VRK2: variants seen among roughly 807,000 people sequenced by gnomAD.
VRK2 encodes the protein VRK serine/threonine kinase 2.
In VRK2, 60 loss-of-function variants were observed where a neutral mutation model predicts 57.6. That is an observed-to-expected ratio of 1.04 (90% CI 0.85 to 1.29). The LOEUF (loss-of-function observed/expected upper bound fraction) is 1.29, where lower values mean the gene tolerates loss of function less well. Ranked by LOEUF, VRK2 falls within the 50% of genes most tolerant of loss-of-function variation. The probability of loss-of-function intolerance (pLI) is 0.00; values close to 1 mark genes in which losing one functional copy is unlikely to be tolerated. For missense variants in VRK2, 705 were observed against 588.1 expected (o/e 1.20, Z -2.06); for synonymous variants, 231 against 199.2 (o/e 1.16, Z -1.35).
At chr2:58,044,564 G>A (rs1048711684), upstream of VRK2, among the ~76,000 whole-genome samples, 2 of 152,206 alleles carry the variant, frequency 1.3e-5, no homozygotes, top group Non-Finnish European at 2.9e-5. Context: ...TTGCTGTATA[G>A]CAGTAGGTAC....
intron 2 of VRK2, among the ~76,000 whole-genome samples, chr2:58,068,813 A>G (rs1258451983): frequency 7.0e-5 from 1 of 14,250 alleles, no homozygotes; most frequent in African/African-American, 1.2e-3. Context: ...CCCCTCAGGA[A>G]AAAAAAAAAA....
At chr2:58,033,020 C>G (rs1256032115) in intron 2 of VRK2, among the ~76,000 whole-genome samples, 1 of 152,104 alleles carries the variant, frequency 6.6e-6, no homozygotes, top group Non-Finnish European at 1.5e-5. Flanking sequence ...CACATATCAT[C>G]ACATTGGGTG....
Position 58,138,162 on chromosome 2 carries a change from C to G in VRK2, c.857-1504C>G, listed in dbSNP as rs183095398. Among the ~76,000 whole-genome samples the G allele has an allele frequency of 2.3e-3, 355 of 152,250 alleles. 3 individuals are homozygous for G. The highest frequency in any genetic ancestry group is 6.6e-3 in the African/African-American group (275 of 41,540). On this transcript the variant is annotated intron_variant, in intron 10 of 12. Coordinates refer to ENST00000340157, the MANE Select transcript of VRK2 (RefSeq NM_006296.7). ...TAATGGAATTGTAATATGTACCAAACTTGGCTTACCAATCTTCACAGGACC... is the reference window on the plus strand; with the variant it reads ...TAATGGAATTGTAATATGTACCAAAGTTGGCTTACCAATCTTCACAGGACC...
chr2:57,992,726 C>T (rs891279872), intron 1 of VRK2, among the ~76,000 whole-genome samples: 4 of 151,904 alleles, frequency 2.6e-5, no homozygotes, highest in Non-Finnish European at 4.4e-5. Flanking sequence ...TTAGTAGAGA[C>T]GGGGTTTCAC....
intron 7 of VRK2, among the ~76,000 whole-genome samples, chr2:58,120,006 A>T (rs1677177149): frequency 1.3e-5 from 2 of 151,770 alleles, no homozygotes; most frequent in Admixed American, 6.6e-5. Context: ...CATTGGTTGG[A>T]AAACAGCAAG....
At chr2:58,040,231 C>G (rs1476962680) in intron 3 of VRK2, among the ~76,000 whole-genome samples, 1 of 152,050 alleles carries the variant, frequency 6.6e-6, no homozygotes, top group East Asian at 1.9e-4. Context: ...CTATATTTTT[C>G]ACTCATTTCT....
At chr2:58,088,007 C>A (rs1671873684) in intron 5 of VRK2, among the ~76,000 whole-genome samples, 1 of 151,850 alleles carries the variant, frequency 6.6e-6, no homozygotes, top group African/African-American at 2.4e-5. Flanking sequence ...CAAGTGTGTA[C>A]AATAATTTGT....
At chr2:57,979,260 G>A (rs867816420) in intron 1 of VRK2, among the ~76,000 whole-genome samples, 2 of 151,008 alleles carry the variant, frequency 1.3e-5, no homozygotes, top group Admixed American at 1.3e-4. Context: ...CACAATGGTC[G>A]AAGTAATTTA....
intron 1 of VRK2, among the ~76,000 whole-genome samples, chr2:57,970,341 G>A (rs1672059473): frequency 6.6e-6 from 1 of 150,926 alleles, no homozygotes; most frequent in African/African-American, 2.4e-5. Flanking sequence ...TTATTACATA[G>A]TAACAAAGAA....
At chr2:58,103,815 A>G (rs1304064829) in intron 7 of VRK2, among the ~76,000 whole-genome samples, 1 of 151,852 alleles carries the variant, frequency 6.6e-6, no homozygotes, top group Non-Finnish European at 1.5e-5. Flanking sequence ...TTGGATCAAT[A>G]TCCCTGATGA....
At chr2:58,154,656 C>CT in intron 12 of VRK2, 2 of 697,876 alleles carry the variant, frequency 2.9e-6, no homozygotes, top group South Asian at 3.1e-5. Flanking sequence ...CTCTTTGACC[C>CT]ATTTAAAGGG....
chr2:57,993,996 G>A (rs895444496), intron 1 of VRK2, among the ~76,000 whole-genome samples: 1 of 152,190 alleles, frequency 6.6e-6, no homozygotes, highest in Non-Finnish European at 1.5e-5. Flanking sequence ...ATAAATTACT[G>A]AAAACAGCCT....
chr2:57,991,038 A>C (rs1381175180), intron 1 of VRK2, among the ~76,000 whole-genome samples: 1 of 151,740 alleles, frequency 6.6e-6, no homozygotes, highest in Non-Finnish European at 1.5e-5. Context: ...TTCCTGAAAG[A>C]GAATGTCAAG....
rs1673436338 is a variant in VRK2, at chr2:58,012,217, C to G, written c.-438-13448C>G. Among the ~76,000 whole-genome samples the G allele has an allele frequency of 3.9e-5, 6 of 152,140 alleles. No individual in the cohort carries two copies. The South Asian group carries it at 1.2e-3, about 31-fold the overall frequency. On this transcript the variant is annotated intron_variant, in intron 1 of 15. Coordinates refer to the VRK2 transcript ENST00000417641. Reference sequence around the variant, plus strand: ...TTAGCATATCATCAAGAAATAACCACAAAAATGGGCAACCAGCAGCCCTCA... The same window carrying G: ...TTAGCATATCATCAAGAAATAACCAGAAAAATGGGCAACCAGCAGCCCTCA...
At chr2:58,082,141 G>T (rs567039085) in intron 2 of VRK2, among the ~76,000 whole-genome samples, 1 of 151,674 alleles carries the variant, frequency 6.6e-6, no homozygotes, top group East Asian at 1.9e-4. Context: ...AGTGATGACC[G>T]TAGAGATTTT....
chr2:57,952,053 TCAGC>T (rs1671444033), intron 1 of VRK2, among the ~76,000 whole-genome samples: 1 of 150,660 alleles, frequency 6.6e-6, no homozygotes, highest in Non-Finnish European at 1.5e-5. Context: ...ACCACTACAC[TCAGC>T]AAGTATTTTA....
intron 1 of VRK2, among the ~76,000 whole-genome samples, chr2:57,910,762 A>G (rs1002493200): frequency 7.2e-5 from 11 of 152,316 alleles, no homozygotes; most frequent in South Asian, 2.1e-4. Context: ...TGCCCCCAAC[A>G]TAAGTTCCAA....
chr2:58,017,599 C>T (rs1673624708), intron 1 of VRK2, among the ~76,000 whole-genome samples: 1 of 152,148 alleles, frequency 6.6e-6, no homozygotes, highest in Non-Finnish European at 1.5e-5. Context: ...CTGATCAATT[C>T]CTTGGCACTT....
At chr2:58,069,289 G>T (rs948747787) in intron 2 of VRK2, among the ~76,000 whole-genome samples, 10 of 152,164 alleles carry the variant, frequency 6.6e-5, no homozygotes, top group African/African-American at 2.4e-4. Flanking sequence ...GTTCCATTCA[G>T]TGACCAGCCT....
Sources: allele counts gnomAD v4.1 joint callset (sites outside exome capture counted in the v4.1 genomes callset), GRCh38; gene constraint gnomAD v4.1.1; transcripts MANE v1.5; gene names NCBI Gene and HGNC (gene_info 2026-07-23, HGNC 2026-07-21).